The following GRM1 variants were observed in gnomAD, a reference collection of about 807,000 sequenced individuals.
GRM1 encodes glutamate metabotropic receptor 1, also known as metabotropic glutamate receptor 1.
In GRM1, 33 loss-of-function variants were observed where a neutral mutation model predicts 90.9. The ratio of observed to expected loss-of-function variants is 0.36; its 90% CI spans 0.28 to 0.49. GRM1 has a LOEUF of 0.49. Among genes scored for constraint, GRM1 ranks in the 20% least tolerant of loss-of-function variants. The pLI is 0.99. For synonymous variants in GRM1, 700 were observed against 613.2 expected (o/e 1.14, Z -2.09); for missense variants, 1,190 against 1,534.3 (o/e 0.78, Z 3.75).
chr6:146,128,359 G>A (rs760553848), intron 1 of GRM1, among the ~76,000 whole-genome samples: 4 of 152,122 alleles, frequency 2.6e-5, no homozygotes, highest in Non-Finnish European at 4.4e-5. Flanking sequence ...TGTATCAAGC[G>A]CTAAGAGATT....
intron 5 of GRM1, 141 bp downstream of exon 5, chr6:146,357,835 A>G (rs1309893804): frequency 2.8e-6 from 2 of 726,006 alleles, no homozygotes; most frequent in East Asian, 2.7e-5. Flanking sequence ...TCTTGAGTTT[A>G]GGTAAAACTG....
At position 146,151,780 on chromosome 6, in the gene GRM1, C is replaced by T. The variant is rs1203981722; in HGVS notation, c.701-7568C>T. On this transcript the variant is annotated intron_variant, in intron 1 of 7. Transcript: ENST00000282753. ...ATTTTCAGTGCCTATCTTAACTTTA[C>T]TCTGGTATAAACAATCATGTCCACT... Among the ~76,000 whole-genome samples the T allele has an allele frequency of 3.3e-5, 5 of 152,100 alleles. No individual in the cohort carries two copies. In the East Asian group the frequency reaches 9.6e-4, roughly 29 times the overall value.
chr6:146,106,502 C>A (rs1775304442), intron 1 of GRM1, among the ~76,000 whole-genome samples: 1 of 152,168 alleles, frequency 6.6e-6, no homozygotes, highest in South Asian at 2.1e-4. Context: ...GGAAAGTTAT[C>A]CTCTTTGAAC....
At chr6:146,292,915 C>T (rs888322893) in intron 2 of GRM1, among the ~76,000 whole-genome samples, 3 of 151,882 alleles carry the variant, frequency 2.0e-5, no homozygotes, top group African/African-American at 4.8e-5. Context: ...TATACTGATA[C>T]GATGTAATAC....
chr6:146,418,112 G>A (rs75573932), intron 7 of GRM1, among the ~76,000 whole-genome samples: 1,957 of 152,230 alleles, frequency 0.013, 46 homozygotes, highest in African/African-American at 0.045. Context: ...AGTAAGAAAA[G>A]CTTCAGTAGT....
At chr6:146,319,074 T>C (rs1784077871) in intron 3 of GRM1, among the ~76,000 whole-genome samples, 1 of 152,244 alleles carries the variant, frequency 6.6e-6, no homozygotes, top group South Asian at 2.1e-4. Flanking sequence ...TGCCCATACC[T>C]GTGTCCTGAA....
chr6:146,377,779 C>T (rs1776162941), intron 5 of GRM1, among the ~76,000 whole-genome samples: 1 of 152,132 alleles, frequency 6.6e-6, no homozygotes, highest in Non-Finnish European at 1.5e-5. Flanking sequence ...GAAAAAAAGG[C>T]TTCCTGGATT....
At chr6:146,433,561 A>G in intron 7 of GRM1, among the ~76,000 whole-genome samples, 1 of 147,554 alleles carries the variant, frequency 6.8e-6, no homozygotes, top group South Asian at 2.1e-4. Flanking sequence ...TGTGTGTGTC[A>G]GAGAGAGACA....
At chr6:146,043,800 T>TATATATATATAGATAG (rs1791216544) in intron 1 of GRM1, among the ~76,000 whole-genome samples, 1 of 142,434 alleles carries the variant, frequency 7.0e-6, no homozygotes, top group East Asian at 2.0e-4. Flanking sequence ...TATATATATA[T>TATATATATATAGATAG]ATATATATAT....
chr6:146,223,770 G>A (rs558875452), intron 2 of GRM1, among the ~76,000 whole-genome samples: 55 of 152,060 alleles, frequency 3.6e-4, no homozygotes, highest in Middle Eastern at 6.8e-3. Flanking sequence ...TGAGATTCTG[G>A]GTTTACATTT....
chr6:146,154,983 A>G (rs3924758), intron 1 of GRM1, among the ~76,000 whole-genome samples: 6,586 of 152,254 alleles, frequency 0.043, 174 homozygotes, highest in Admixed American at 0.061. Context: ...ACCCACTTTT[A>G]CTTATTTTGT....
At chr6:146,327,818 C>A (rs1281015753) in intron 3 of GRM1, among the ~76,000 whole-genome samples, 1 of 152,198 alleles carries the variant, frequency 6.6e-6, no homozygotes, top group Non-Finnish European at 1.5e-5. Flanking sequence ...TCACCCCCCA[C>A]TTTCCCTAGT....
At chr6:146,219,866 A>G (rs1173368957) in intron 2 of GRM1, among the ~76,000 whole-genome samples, 1 of 151,906 alleles carries the variant, frequency 6.6e-6, no homozygotes, top group Non-Finnish European at 1.5e-5. Context: ...AGTGAATTCT[A>G]CCTTGTTACA....
chr6:146,313,466 A>G lies in GRM1; in HGVS notation c.1186+8620A>G, dbSNP rs538400411. Among the ~76,000 whole-genome samples, 3 of 152,322 alleles carry G rather than the reference A, an allele frequency of 2.0e-5. No homozygotes were observed. In the South Asian group the frequency reaches 6.2e-4, roughly 32 times the overall value. The stretch of plus-strand genomic sequence containing the variant: ...TGGATGAGTATCTATTTAGGTTAGT[A>G]TCTATTTAGATTGTTTCTATGGCAT... On this transcript the variant is annotated intron_variant, in intron 3 of 7. Transcript: ENST00000282753.
intron 2 of GRM1, among the ~76,000 whole-genome samples, chr6:146,273,062 A>G (rs890990913): frequency 4.6e-5 from 7 of 152,316 alleles, no homozygotes; most frequent in African/African-American, 1.7e-4. Flanking sequence ...TGTGAATCCA[A>G]GAAGAATGTT....
Position 146,398,806 on chromosome 6 carries a change from C to T in GRM1, c.1767C>T (p.Ser589=). 6.2e-7 allele frequency: 1 copy of T among 1,613,436 alleles called. No individual in the cohort carries two copies. The highest frequency in any genetic ancestry group is 1.6e-4 in the Middle Eastern group (1 of 6,062). Residue 589 remains serine, a synonymous_variant, in exon 7 of 8, where the codon AGC becomes AGT. Transcript: ENST00000282753. The stretch of plus-strand genomic sequence containing the variant: ...TTCCTGTGCGCTATCTTGAGTGGAG[C>T]AACATCGAATCCATTATAGCCATCG... ...EPIPVRYLEW[S]NIESIIAIAF...
At chr6:146,041,605 G>A (rs892777187) in intron 1 of GRM1, among the ~76,000 whole-genome samples, 1 of 151,920 alleles carries the variant, frequency 6.6e-6, no homozygotes, top group Non-Finnish European at 1.5e-5. Context: ...ATGCCCAGAA[G>A]ACTCATGAAT....
intron 5 of GRM1, among the ~76,000 whole-genome samples, chr6:146,385,541 G>A (rs1301603341): frequency 1.3e-5 from 2 of 151,820 alleles, no homozygotes; most frequent in African/African-American, 4.8e-5. Context: ...TCTCAGGCTG[G>A]CATGGCTGTA....
At chr6:146,045,749 C>CAAAAAAAAAAA (rs58055832) in intron 1 of GRM1, among the ~76,000 whole-genome samples, 1 of 87,404 alleles carries the variant, frequency 1.1e-5, no homozygotes, top group Admixed American at 1.5e-4. Flanking sequence ...TGGAATACAG[C>CAAAAAAAAAAA]AAAAAAAAAA....
Sources: gnomAD v4.1 joint callset for allele counts (sites outside exome capture counted in the v4.1 genomes callset) on GRCh38, gnomAD v4.1.1 for gene constraint, MANE v1.5 for transcripts, NCBI Gene and HGNC (gene_info 2026-07-23, HGNC 2026-07-21) for gene names.